Variants in TMEM108 observed in about 807,000 individuals in gnomAD.
TMEM108 encodes the protein transmembrane protein 108, also known as cancer/testis antigen 124.
In TMEM108, 12 loss-of-function variants were observed where a neutral mutation model predicts 35.1. That is an observed-to-expected ratio of 0.34 (90% confidence interval 0.22 to 0.55). The LOEUF is 0.55. TMEM108 is among the 20% of genes least tolerant of loss of function. The probability of loss-of-function intolerance (pLI) is 0.89; values close to 1 mark genes in which losing one functional copy is unlikely to be tolerated. For synonymous variants in TMEM108, 287 were observed against 308.6 expected (o/e 0.93, Z 0.73); for missense variants, 680 against 753.3 (o/e 0.90, Z 1.14).
intron 2 of TMEM108, among the ~76,000 whole-genome samples, chr3:133,140,490 T>A (rs1052545597): frequency 1.3e-5 from 2 of 152,202 alleles, no homozygotes; most frequent in Non-Finnish European, 2.9e-5. Context: ...ATTTTGCAAT[T>A]CAGAGGACAG....
At chr3:133,117,866 C>G (rs896741549) in intron 2 of TMEM108, among the ~76,000 whole-genome samples, 1 of 152,158 alleles carries the variant, frequency 6.6e-6, no homozygotes, top group Non-Finnish European at 1.5e-5. Flanking sequence ...GTTCCCGTTG[C>G]TTTTTGGAGT....
Position 133,117,642 on chromosome 3 carries a change from CTGTT to C in TMEM108, c.-47+71629_-47+71632del, listed in dbSNP as rs569908520. ...CTGCTAAGGTGTGAGGTGTGTGTCT[CTGTT>C]TGTTTGCTTGTGGCAAAGTTGTCAT... On this transcript the variant is annotated intron_variant, in intron 2 of 5. Transcript: ENST00000321871. 1.9e-4 allele frequency among the ~76,000 whole-genome samples: 29 copies of C among 152,274 alleles called. No homozygotes were observed. The South Asian group carries it at 5.4e-3, about 28-fold the overall frequency.
intron 2 of TMEM108, among the ~76,000 whole-genome samples, chr3:133,228,832 T>G (rs138051583): frequency 4.6e-5 from 7 of 152,322 alleles, no homozygotes; most frequent in African/African-American, 1.7e-4. Flanking sequence ...GAAAAGTTAT[T>G]TAAAATAATA....
chr3:133,123,882 G>A (rs1944384036), intron 2 of TMEM108, among the ~76,000 whole-genome samples: 1 of 152,182 alleles, frequency 6.6e-6, no homozygotes, highest in East Asian at 1.9e-4. Flanking sequence ...AAAGTTGGCT[G>A]CAGGTAGGAG....
At chr3:133,222,411 T>G (rs1015661706) in intron 2 of TMEM108, among the ~76,000 whole-genome samples, 2 of 152,158 alleles carry the variant, frequency 1.3e-5, no homozygotes, top group African/African-American at 4.8e-5. Context: ...GACCTTCCTG[T>G]ACCTGGATAT....
intron 2 of TMEM108, among the ~76,000 whole-genome samples, chr3:133,075,312 C>A (rs114455185): frequency 0.017 from 2,537 of 152,284 alleles, 83 homozygotes; most frequent in African/African-American, 0.058. Flanking sequence ...ATAGCTCTAC[C>A]AGACTTCGCT....
At chr3:133,387,782 T>G (rs1483018689) in intron 4 of TMEM108, 1 of 951,928 alleles carries the variant, frequency 1.1e-6, no homozygotes, top group Non-Finnish European at 1.3e-6. Context: ...GTTAAGTAAC[T>G]TACTCAAGTC....
intron 3 of TMEM108, among the ~76,000 whole-genome samples, chr3:133,371,530 A>G (rs2072671420): frequency 1.3e-5 from 2 of 151,634 alleles, no homozygotes; most frequent in African/African-American, 4.9e-5. Context: ...AAGCACCACA[A>G]GAAAACCAAG....
At chr3:133,133,156 T>TGCAGCA (rs56070524) in intron 2 of TMEM108, among the ~76,000 whole-genome samples, 95,460 of 150,878 alleles carry the variant, frequency 0.63, 30,706 homozygotes, top group African/African-American at 0.74. Context: ...ACTTAGTTGA[T>TGCAGCA]GCAGCAGCAG....
chr3:133,366,418 G>A (rs2072501326), intron 3 of TMEM108, among the ~76,000 whole-genome samples: 1 of 152,196 alleles, frequency 6.6e-6, no homozygotes, highest in Non-Finnish European at 1.5e-5. Context: ...AACAAATGGT[G>A]GAGTGGTGAT....
intron 3 of TMEM108, among the ~76,000 whole-genome samples, chr3:133,259,136 ATAAT>A (rs1430866014): frequency 6.6e-6 from 1 of 152,232 alleles, no homozygotes; most frequent in Non-Finnish European, 1.5e-5. Context: ...GAAGTCTTAC[ATAAT>A]TAAGTGTTGT....
At chr3:133,043,127 T>G (rs1403168680) in intron 1 of TMEM108, among the ~76,000 whole-genome samples, 2 of 152,228 alleles carry the variant, frequency 1.3e-5, no homozygotes, top group African/African-American at 2.4e-5. Flanking sequence ...AGAAGAATCA[T>G]TCCTCAATCA....
intron 3 of TMEM108, among the ~76,000 whole-genome samples, chr3:133,258,614 A>G (rs1946581138): frequency 6.6e-6 from 1 of 152,210 alleles, no homozygotes; most frequent in Admixed American, 6.5e-5. Flanking sequence ...CCCTAGAACC[A>G]GTCAGCATTC....
intron 2 of TMEM108, among the ~76,000 whole-genome samples, chr3:133,117,836 G>T (rs1008637975): frequency 1.3e-5 from 2 of 152,172 alleles, no homozygotes; most frequent in Non-Finnish European, 2.9e-5. Flanking sequence ...CCCATTGCTG[G>T]CTGCTGTTTC....
rs116482260 is a variant in TMEM108 at position 133,088,183 on chromosome 3, A to G, written c.-47+42163A>G. 2.3e-3 allele frequency among the ~76,000 whole-genome samples: 356 copies of G among 152,256 alleles called. 2 individuals are homozygous for G. Among genetic ancestry groups the G allele is most frequent in the African/African-American group, 7.6e-3 (316 of 41,528 alleles). On this transcript the variant is annotated intron_variant, in intron 2 of 5. Coordinates refer to ENST00000321871, the MANE Select transcript of TMEM108 (RefSeq NM_023943.4). ...TTGTTAAAGGGACAAGGCCTAAAAC[A>G]GCTATCCAGCAGTGGTAGGGAGCCT...
At chr3:133,155,291 T>G (rs1576349289) in intron 2 of TMEM108, among the ~76,000 whole-genome samples, 4 of 152,210 alleles carry the variant, frequency 2.6e-5, no homozygotes, top group Admixed American at 2.6e-4. Context: ...TCCATGTCTT[T>G]GCTATTGTGA....
At chr3:133,081,521 C>T (rs1285593124) in intron 2 of TMEM108, among the ~76,000 whole-genome samples, 1 of 152,210 alleles carries the variant, frequency 6.6e-6, no homozygotes, top group African/African-American at 2.4e-5. Context: ...ATTCAGTTCA[C>T]AGCAATGATT....
chr3:133,368,628 C>T lies in TMEM108; in HGVS notation c.41-11124C>T, dbSNP rs180999589. Among the ~76,000 whole-genome samples, 358 of 149,668 alleles carry T rather than the reference C, an allele frequency of 2.4e-3. 2 individuals are homozygous for T. Among genetic ancestry groups the T allele is most frequent in the Admixed American group, 5.9e-3 (86 of 14,524 alleles). ...AGCAAAGTAAAAAGATAAATACATG[C>T]ACTCACACACACACACACACCCTGA... On this transcript the variant is annotated intron_variant, in intron 3 of 5. Coordinates refer to ENST00000321871, the MANE Select transcript of TMEM108 (RefSeq NM_023943.4).
chr3:133,109,487 G>T (rs1411277645), intron 2 of TMEM108, among the ~76,000 whole-genome samples: 1 of 151,954 alleles, frequency 6.6e-6, no homozygotes, highest in Non-Finnish European at 1.5e-5. Context: ...AAAAATTGAG[G>T]TACTGTGTAT....
Sources: allele counts gnomAD v4.1 joint callset (sites outside exome capture counted in the v4.1 genomes callset), GRCh38; gene constraint gnomAD v4.1.1; transcripts MANE v1.5; gene names NCBI Gene and HGNC (gene_info 2026-07-23, HGNC 2026-07-21).